HDAC4: variants seen among roughly 807,000 people sequenced by gnomAD.
The protein encoded by HDAC4 is histone deacetylase 4.
A neutral mutation model predicts 135.1 loss-of-function variants in HDAC4; 16 were observed. The ratio of observed to expected loss-of-function variants is 0.12; its 90% confidence interval spans 0.08 to 0.18. The LOEUF (loss-of-function observed/expected upper bound fraction) is 0.18, where lower values mean the gene tolerates loss of function less well. HDAC4 is among the 10% of genes least tolerant of loss of function. The probability of loss-of-function intolerance (pLI) is 1.00; values close to 1 mark genes in which losing one functional copy is unlikely to be tolerated. For missense variants in HDAC4, 1,143 were observed against 1,511.8 expected (o/e 0.76, Z 4.05); for synonymous variants, 685 against 653.4 (o/e 1.05, Z -0.74).
chr2:239,079,743 T>G (rs986337838), intron 22 of HDAC4, among the ~76,000 whole-genome samples: 1 of 151,940 alleles, frequency 6.6e-6, no homozygotes, highest in Non-Finnish European at 1.5e-5. Context: ...CATATACAGA[T>G]GTGCACACAC....
At chr2:239,158,541 T>A (rs1435999641) in intron 6 of HDAC4, among the ~76,000 whole-genome samples, 2 of 152,200 alleles carry the variant, frequency 1.3e-5, no homozygotes, top group African/African-American at 2.4e-5. Flanking sequence ...ATCCCCACTT[T>A]CCTGTCAAAC....
chr2:239,221,515 G>A (rs969955073), intron 3 of HDAC4, among the ~76,000 whole-genome samples: 5 of 152,250 alleles, frequency 3.3e-5, no homozygotes, highest in Non-Finnish European at 5.9e-5. Context: ...TGGGAAGGAC[G>A]GCCCATGCCC....
At chr2:239,212,544 G>T (rs1272691695) in intron 3 of HDAC4, among the ~76,000 whole-genome samples, 2 of 152,252 alleles carry the variant, frequency 1.3e-5, no homozygotes, top group African/African-American at 4.8e-5. Flanking sequence ...GCCCAGGGAA[G>T]GCTGAGCTAT....
chr2:239,385,393 AG>A (rs1695723105), intron 1 of HDAC4, among the ~76,000 whole-genome samples: 1 of 152,228 alleles, frequency 6.6e-6, no homozygotes, highest in African/African-American at 2.4e-5. Context: ...ACTGAAGAAA[AG>A]GAGGCTCCTG....
At chr2:239,122,709 G>A (rs531183590) in intron 12 of HDAC4, among the ~76,000 whole-genome samples, 1 of 152,374 alleles carries the variant, frequency 6.6e-6, no homozygotes, top group East Asian at 1.9e-4. Context: ...AACTAGAGTG[G>A]CTACATATGG....
rs563400240 is a variant in HDAC4 at position 239,154,055 on chromosome 2, T to C, written c.733+2597A>G. On this transcript the variant is annotated intron_variant, in intron 7 of 26. Transcript: ENST00000543185. ...GGGATGGGGGAGGAGCCAGTGCAAATAGCTCCTAGGGCTCCCCCATCCCTG... is the reference window on the plus strand; with the variant it reads ...GGGATGGGGGAGGAGCCAGTGCAAACAGCTCCTAGGGCTCCCCCATCCCTG... 3.9e-5 allele frequency among the ~76,000 whole-genome samples: 6 copies of C among 152,264 alleles called. No homozygotes were observed. The South Asian group carries it at 8.3e-4, about 21-fold the overall frequency.
upstream of HDAC4, among the ~76,000 whole-genome samples, chr2:239,401,239 C>G (rs1324655379): frequency 6.6e-6 from 1 of 152,076 alleles, no homozygotes; most frequent in African/African-American, 2.4e-5. Context: ...CCGCTGAAAC[C>G]TGCGCACAGC....
chr2:239,180,615 C>T (rs535715053), intron 4 of HDAC4, among the ~76,000 whole-genome samples: 2 of 152,354 alleles, frequency 1.3e-5, no homozygotes, highest in East Asian at 1.9e-4. Flanking sequence ...GTAAAGCCCC[C>T]AGCCCAGACA....
At chr2:239,393,707 G>T (rs1696379756) in intron 1 of HDAC4, among the ~76,000 whole-genome samples, 1 of 151,746 alleles carries the variant, frequency 6.6e-6, no homozygotes, top group African/African-American at 2.4e-5. Flanking sequence ...TCTCAGGATG[G>T]TGACCCGTGT....
chr2:239,312,693 C>A (rs573353154), intron 2 of HDAC4, among the ~76,000 whole-genome samples: 1 of 152,198 alleles, frequency 6.6e-6, no homozygotes, highest in Non-Finnish European at 1.5e-5. Context: ...TTTCTTCCAG[C>A]GTGTCCCATG....
intron 22 of HDAC4, among the ~76,000 whole-genome samples, chr2:239,074,533 G>A (rs1036389277): frequency 6.6e-6 from 1 of 152,258 alleles, no homozygotes; most frequent in Admixed American, 6.5e-5. Context: ...GCCCAGGCTC[G>A]TGGGCACTGG....
chr2:239,326,839 G>A (rs1051462883), intron 2 of HDAC4, among the ~76,000 whole-genome samples: 3 of 152,182 alleles, frequency 2.0e-5, no homozygotes, highest in African/African-American at 4.8e-5. Flanking sequence ...CACATCCACC[G>A]CACCTGAGGC....
intron 3 of HDAC4, among the ~76,000 whole-genome samples, chr2:239,200,140 G>C (rs941170343): frequency 1.3e-5 from 2 of 152,182 alleles, no homozygotes; most frequent in African/African-American, 2.4e-5. Flanking sequence ...ATTGGGTTGG[G>C]ACTTACGAAC....
chr2:239,134,250 A>C lies in HDAC4; in HGVS notation c.1289T>G (p.Val430Gly). Residue 430 changes from valine to glycine, a missense_variant, in exon 11 of 27, where the codon GTC becomes GGC. Val to Gly is a moderately radical substitution (Grantham distance 109). This residue lies in a region of HDAC4 where 272 missense variants were observed against 309.7 expected (regional missense o/e 0.88). Transcript: ENST00000543185. ...CCAGGCCCATTTGTGCTCACCTGTGACGAGGGGTGCTTGTGCCGGCGGCTG... is the reference window on the plus strand; with the variant it reads ...CCAGGCCCATTTGTGCTCACCTGTGCCGAGGGGTGCTTGTGCCGGCGGCTG... ...LEQPPAQAPLVTDWYLSGLGA... is the reference protein window; with the variant it reads ...LEQPPAQAPLGTDWYLSGLGA... 6.2e-7 allele frequency: 1 copy of C among 1,610,500 alleles called. No individual in the cohort carries two copies. The highest frequency in any genetic ancestry group is 8.5e-7 in the Non-Finnish European group (1 of 1,179,844).
chr2:239,364,731 A>G (rs1470594891), intron 1 of HDAC4, among the ~76,000 whole-genome samples: 1 of 152,268 alleles, frequency 6.6e-6, no homozygotes, highest in African/African-American at 2.4e-5. Flanking sequence ...GCACCAAGAA[A>G]GATCCAAATA....
intron 17 of HDAC4, 33 bp from the exon 18 acceptor site, chr2:239,090,149 C>T (rs1363308717): frequency 6.0e-6 from 9 of 1,488,030 alleles, no homozygotes; most frequent in Non-Finnish European, 7.5e-6. Flanking sequence ...TGAGGTCACC[C>T]TCCCAGGCCA....
chr2:239,156,116 C>T (rs2042407702), intron 7 of HDAC4, among the ~76,000 whole-genome samples: 1 of 152,256 alleles, frequency 6.6e-6, no homozygotes, highest in African/African-American at 2.4e-5. Flanking sequence ...TGCCCTTCTC[C>T]CTTGGCTTAG....
chr2:239,328,167 C>T (rs1487161269), intron 2 of HDAC4, among the ~76,000 whole-genome samples: 1 of 152,224 alleles, frequency 6.6e-6, no homozygotes, highest in Non-Finnish European at 1.5e-5. Context: ...ACTGGAGGCC[C>T]AAGTTCTTTC....
At chr2:239,360,514 G>A (rs761982642) in intron 1 of HDAC4, among the ~76,000 whole-genome samples, 3 of 152,222 alleles carry the variant, frequency 2.0e-5, no homozygotes, top group South Asian at 2.1e-4. Context: ...TCATGTGCTC[G>A]CTTATCTGAT....
Sources: allele counts gnomAD v4.1 joint callset (sites outside exome capture counted in the v4.1 genomes callset), GRCh38; gene constraint gnomAD v4.1.1; regional missense constraint gnomAD v4.1.1; transcripts MANE v1.5; gene names NCBI Gene and HGNC (gene_info 2026-07-23, HGNC 2026-07-21).